CRYBG1: variants seen among roughly 807,000 people sequenced by gnomAD.
CRYBG1 encodes the protein beta/gamma crystallin domain-containing protein 1.
Under a neutral mutation model 189.2 loss-of-function variants are expected in CRYBG1, and 139 were observed. The observed-to-expected ratio is 0.73, with a 90% CI of 0.64 to 0.85. CRYBG1 has a LOEUF of 0.85. Ranked by LOEUF, CRYBG1 falls within the 40% of genes least tolerant of loss-of-function variation. CRYBG1 has a pLI of 0.00. For synonymous variants in CRYBG1, 1,023 were observed against 1,017.1 expected, an observed-to-expected ratio of 1.01 and a Z score of -0.11; for missense variants, 2,611 against 2,675.8, an observed-to-expected ratio of 0.98 and a Z score of 0.53.
chr6:106,412,534 C>G lies in CRYBG1; in HGVS notation c.174-39160C>G, dbSNP rs552587977. On this transcript the variant is annotated intron_variant, in intron 1 of 21. Transcript: ENST00000633556. ...ATATGTTATTACATTACTGTTTTACCCCACACATGTGTAAGGTGGCATGGA... is the reference window on the plus strand; with the variant it reads ...ATATGTTATTACATTACTGTTTTACGCCACACATGTGTAAGGTGGCATGGA... 3.9e-5 allele frequency among the ~76,000 whole-genome samples: 6 copies of G among 152,002 alleles called. No individual in the cohort carries two copies. The East Asian group carries it at 1.2e-3, about 29-fold the overall frequency.
chr6:106,519,355 A>T lies in CRYBG1; in HGVS notation c.2147A>T (p.Lys716Met). 6.2e-7 allele frequency: 1 copy of T among 1,614,198 alleles called. No homozygotes were observed. Among genetic ancestry groups the T allele is most frequent in the Non-Finnish European group, 8.5e-7 (1 of 1,180,046 alleles). Reference sequence around the variant, plus strand: ...AGTAAAACGTTTGTTGGGAGGGCAAAGCTGAATTTAGCCAAAAAAGCCAAA... The same window carrying T: ...AGTAAAACGTTTGTTGGGAGGGCAATGCTGAATTTAGCCAAAAAAGCCAAA... ...ASSKTFVGRAKLNLAKKAKEM... is the reference protein window; with the variant it reads ...ASSKTFVGRAMLNLAKKAKEM... The change falls in exon 4 of 22, where the codon AAG (lysine) becomes ATG (methionine). Residue 716 changes from lysine (K) to methionine (M), a missense_variant. By Grantham distance (95) the Lys-to-Met change is moderately conservative. Transcript: ENST00000633556.
At chr6:106,553,995 T>C (rs1483065290) in intron 16 of CRYBG1, among the ~76,000 whole-genome samples, 1 of 152,110 alleles carries the variant, frequency 6.6e-6, no homozygotes, top group Non-Finnish European at 1.5e-5. Flanking sequence ...GGGAGGGCTT[T>C]GTACTGGGAG....
intron 2 of CRYBG1, among the ~76,000 whole-genome samples, chr6:106,465,378 G>A (rs1286481468): frequency 6.6e-6 from 1 of 152,192 alleles, no homozygotes; most frequent in African/African-American, 2.4e-5. Context: ...CTGGGCATCA[G>A]CTTTTGTATC....
At chr6:106,554,005 G>A (rs1032358713) in intron 16 of CRYBG1, among the ~76,000 whole-genome samples, 2 of 152,136 alleles carry the variant, frequency 1.3e-5, no homozygotes, top group Non-Finnish European at 2.9e-5. Context: ...TGTACTGGGA[G>A]GAGAAGCAAA....
At chr6:106,383,857 T>C (rs1213157186) in intron 1 of CRYBG1, among the ~76,000 whole-genome samples, 1 of 152,242 alleles carries the variant, frequency 6.6e-6, no homozygotes, top group Non-Finnish European at 1.5e-5. Flanking sequence ...TTGATGACTA[T>C]CTGGGCTGGT....
intron 13 of CRYBG1, among the ~76,000 whole-genome samples, chr6:106,549,996 G>A (rs1774359862): frequency 6.6e-6 from 1 of 152,238 alleles, no homozygotes; most frequent in Non-Finnish European, 1.5e-5. Flanking sequence ...AGCCTGGTGG[G>A]CCTCAGGACA....
At chr6:106,489,777 ACT>A (rs1329514463) in intron 2 of CRYBG1, among the ~76,000 whole-genome samples, 1 of 138,912 alleles carries the variant, frequency 7.2e-6, no homozygotes, top group Non-Finnish European at 1.5e-5. Context: ...TGGGTGACAG[ACT>A]CTGTGTCCAA....
At chr6:106,551,478 G>A (rs770696474) in intron 13 of CRYBG1, among the ~76,000 whole-genome samples, 3 of 152,206 alleles carry the variant, frequency 2.0e-5, no homozygotes, top group Non-Finnish European at 4.4e-5. Context: ...CAGTAAACAA[G>A]ACACGTGCAA....
chr6:106,477,886 C>T (rs1432292504), intron 2 of CRYBG1, among the ~76,000 whole-genome samples: 1 of 152,248 alleles, frequency 6.6e-6, no homozygotes, highest in Non-Finnish European at 1.5e-5. Flanking sequence ...ATGGAAAGAT[C>T]TGGAGCACGG....
chr6:106,415,530 C>T (rs1034170799), intron 1 of CRYBG1, among the ~76,000 whole-genome samples: 1 of 151,490 alleles, frequency 6.6e-6, no homozygotes, highest in Non-Finnish European at 1.5e-5. Context: ...TTCAGACAAG[C>T]CTGGGTAACG....
intron 7 of CRYBG1, among the ~76,000 whole-genome samples, chr6:106,528,215 A>T (rs985784610): frequency 2.0e-5 from 3 of 152,190 alleles, no homozygotes; most frequent in African/African-American, 7.2e-5. Flanking sequence ...AACATTTCTG[A>T]GTAACTTAGG....
chr6:106,494,148 C>T (rs145002340), intron 2 of CRYBG1, among the ~76,000 whole-genome samples: 1 of 152,068 alleles, frequency 6.6e-6, no homozygotes, highest in Non-Finnish European at 1.5e-5. Flanking sequence ...ATGTATGATT[C>T]CATTTAGACG....
intron 18 of CRYBG1, 152 bp downstream of exon 18, chr6:106,558,777 A>G: frequency 1.6e-6 from 1 of 613,624 alleles, no homozygotes. Context: ...AGCCTGGGCA[A>G]CAAAGTGAGA....
intron 1 of CRYBG1, among the ~76,000 whole-genome samples, chr6:106,368,266 T>TACAC (rs1166548682): frequency 2.0e-5 from 3 of 149,798 alleles, no homozygotes; most frequent in African/African-American, 5.0e-5. Context: ...AAAAGATACA[T>TACAC]ACACACACAT....
At position 106,543,634 on chromosome 6, in the gene CRYBG1, T is replaced by C. The variant is rs1218464025; in HGVS notation, c.5039+37T>C. 3.1e-6 allele frequency: 5 copies of C among 1,589,156 alleles called. No individual in the cohort carries two copies. In the African/African-American group the frequency reaches 5.4e-5, roughly 17 times the overall value. ...GGTGACTTGTTAGGATTTCTTTTTTTTCCGAAATATTAAGTAATAAATGTG... is the reference window on the plus strand; with the variant it reads ...GGTGACTTGTTAGGATTTCTTTTTTCTCCGAAATATTAAGTAATAAATGTG... On this transcript the variant is annotated intron_variant, in intron 11 of 21. Transcript: ENST00000633556.
intron 2 of CRYBG1, among the ~76,000 whole-genome samples, chr6:106,507,346 C>T (rs559501298): frequency 1.3e-5 from 2 of 152,320 alleles, no homozygotes; most frequent in East Asian, 1.9e-4. Context: ...GGTGTGCAGG[C>T]TGCCTTAAGT....
chr6:106,528,346 A>T (rs950292381), intron 7 of CRYBG1, among the ~76,000 whole-genome samples: 1 of 152,212 alleles, frequency 6.6e-6, no homozygotes, highest in Admixed American at 6.5e-5. Context: ...TATTTTGCCT[A>T]GAGTTTTTAT....
chr6:106,473,920 C>T (rs576020049), intron 2 of CRYBG1, among the ~76,000 whole-genome samples: 96 of 152,256 alleles, frequency 6.3e-4, no homozygotes, highest in African/African-American at 2.2e-3. Context: ...ACTTACTCAC[C>T]GGAATCCAGT....
intron 10 of CRYBG1, among the ~76,000 whole-genome samples, chr6:106,542,151 T>A (rs577561296): frequency 9.4e-5 from 14 of 149,626 alleles, no homozygotes; most frequent in African/African-American, 2.9e-4. Flanking sequence ...TATATTTATT[T>A]TATATATATA....
Sources: gnomAD v4.1 joint callset for allele counts (sites outside exome capture counted in the v4.1 genomes callset) on GRCh38, gnomAD v4.1.1 for gene constraint, MANE v1.5 for transcripts, NCBI Gene and HGNC (gene_info 2026-07-23, HGNC 2026-07-21) for gene names.